The following FOXP1 variants were observed in gnomAD, a reference collection of about 807,000 sequenced individuals.
FOXP1 encodes forkhead box P1, also known as forkhead box protein P1.
In FOXP1, 15 loss-of-function variants were observed where a neutral mutation model predicts 98.2. The ratio of observed to expected loss-of-function variants is 0.15; its 90% CI spans 0.10 to 0.24. FOXP1 has a LOEUF of 0.24. Among genes scored for constraint, FOXP1 ranks in the 10% least tolerant of loss-of-function variants. The probability of loss-of-function intolerance (pLI) is 1.00; values close to 1 mark genes in which losing one functional copy is unlikely to be tolerated. For missense variants in FOXP1, 633 were observed against 848.5 expected, an observed-to-expected ratio of 0.75 and a Z score of 3.15; for synonymous variants, 371 against 314.5, an observed-to-expected ratio of 1.18 and a Z score of -1.90.
intron 10 of FOXP1, among the ~76,000 whole-genome samples, chr3:71,042,398 C>T (rs574310945): frequency 1.3e-5 from 2 of 152,166 alleles, no homozygotes; most frequent in African/African-American, 4.8e-5. Flanking sequence ...TGGGCCTCTT[C>T]GTCTTTATCC....
chr3:71,065,824 G>A (rs2052414905), intron 7 of FOXP1: 1 of 152,108 alleles, frequency 6.6e-6, no homozygotes, highest in South Asian at 2.1e-4. Flanking sequence ...GCTATTGAAA[G>A]CTGAGTATAG....
chr3:71,346,794 A>C (rs2077391450), intron 4 of FOXP1, among the ~76,000 whole-genome samples: 1 of 152,106 alleles, frequency 6.6e-6, no homozygotes, highest in Non-Finnish European at 1.5e-5. Context: ...AGCCCCATTA[A>C]AAAAAATTAA....
In FOXP1 at chr3:71,475,227, T is replaced by C. The variant is rs2089723605; in HGVS notation, c.-168+18199A>G. On this transcript the variant is annotated intron_variant, in intron 3 of 20. Coordinates refer to ENST00000649528, the MANE Select transcript of FOXP1 (RefSeq NM_001349338.3). ...AACCCCATGCCGTCCTATAATTTCCTATCATGTGCAAGGAACACCCAAGCA... is the reference window on the plus strand; with the variant it reads ...AACCCCATGCCGTCCTATAATTTCCCATCATGTGCAAGGAACACCCAAGCA... 2.0e-5 allele frequency among the ~76,000 whole-genome samples: 3 copies of C among 152,090 alleles called. No homozygotes were observed. In the South Asian group the frequency reaches 6.2e-4, roughly 32 times the overall value.
chr3:71,474,705 A>G (rs1047758834), intron 3 of FOXP1, among the ~76,000 whole-genome samples: 4 of 151,872 alleles, frequency 2.6e-5, no homozygotes, highest in African/African-American at 9.7e-5. Context: ...ACTGTCTCCC[A>G]TCAACCCCAG....
intron 7 of FOXP1, among the ~76,000 whole-genome samples, chr3:71,063,941 G>A (rs1013401125): frequency 1.3e-5 from 2 of 152,162 alleles, no homozygotes; most frequent in Admixed American, 1.3e-4. Context: ...TACTTGGGGA[G>A]GAGAGGGGTA....
chr3:71,248,015 G>T (rs375817977), intron 5 of FOXP1, among the ~76,000 whole-genome samples: 1 of 152,194 alleles, frequency 6.6e-6, no homozygotes, highest in African/African-American at 2.4e-5. Context: ...AGGACACAGC[G>T]GCAAGAAGGT....
At chr3:71,549,764 G>A (rs1295134978) in intron 2 of FOXP1, among the ~76,000 whole-genome samples, 1 of 147,018 alleles carries the variant, frequency 6.8e-6, no homozygotes, top group Non-Finnish European at 1.5e-5. Context: ...AATTTCAACT[G>A]TAACATCAAA....
rs1578287228 is a variant in FOXP1 at position 71,583,666 on chromosome 3, T to G, written c.-542A>C. 1.0e-6 allele frequency: 1 copy of G among 983,566 alleles called. No individual in the cohort carries two copies. The highest frequency in any genetic ancestry group is 1.2e-6 in the Non-Finnish European group (1 of 829,328). The allele number at this position is 983,566 out of a possible 1,614,324, so 60.9% of individuals were successfully genotyped here. The stretch of plus-strand genomic sequence containing the variant: ...CCGCGCGCGCACCCCGCGCACACAC[T>G]CACTCGCGCACACACGCGCGCACAC... On this transcript the variant is annotated 5_prime_UTR_variant, in exon 1 of 21. Transcript: ENST00000649528.
chr3:71,506,491 T>TCTTTTCCAACTAGCTGATAA (rs1230748059), intron 2 of FOXP1, among the ~76,000 whole-genome samples: 2 of 152,210 alleles, frequency 1.3e-5, no homozygotes, highest in South Asian at 2.1e-4. Context: ...CCCCAGGTTT[T>TCTTTTCCAACTAGCTGATAA]CTTTTCCAAC....
rs76201379 is a variant in FOXP1 at position 71,063,942 on chromosome 3, G to A, written c.283-10169C>T. Among the ~76,000 whole-genome samples the A allele has an allele frequency of 7.0e-3, 1,059 of 152,232 alleles. 19 individuals are homozygous for A. Among genetic ancestry groups the A allele is most frequent in the African/African-American group, 0.024 (1,010 of 41,534 alleles). ...CCTTCCCAACACCGTACTTGGGGAGGAGAGGGGTAAAAAGTCCCGTTTCCA... is the reference window on the plus strand; with the variant it reads ...CCTTCCCAACACCGTACTTGGGGAGAAGAGGGGTAAAAAGTCCCGTTTCCA... On this transcript the variant is annotated intron_variant, in intron 7 of 20. Coordinates refer to ENST00000649528, the MANE Select transcript of FOXP1 (RefSeq NM_001349338.3).
At chr3:71,509,380 C>T (rs985741960) in intron 2 of FOXP1, among the ~76,000 whole-genome samples, 1 of 152,158 alleles carries the variant, frequency 6.6e-6, no homozygotes, top group Non-Finnish European at 1.5e-5. Flanking sequence ...ACGGTCTTCC[C>T]GTGTGGGTTT....
At chr3:71,325,398 T>C (rs1289777956) in intron 4 of FOXP1, among the ~76,000 whole-genome samples, 1 of 152,208 alleles carries the variant, frequency 6.6e-6, no homozygotes, top group Non-Finnish European at 1.5e-5. Context: ...ATTATTTTAA[T>C]GTATTTTACA....
intron 1 of FOXP1, chr3:71,582,030 CTGTT>C (rs1251532107): frequency 1.0e-6 from 1 of 976,848 alleles, no homozygotes; most frequent in Middle Eastern, 5.3e-4. Flanking sequence ...GGAGTTACAA[CTGTT>C]TATTTAGTCC....
chr3:71,189,836 T>C (rs1488746946), intron 6 of FOXP1, among the ~76,000 whole-genome samples: 1 of 152,250 alleles, frequency 6.6e-6, no homozygotes, highest in Non-Finnish European at 1.5e-5. Context: ...GCTGTGGAAG[T>C]ACCAGGTAAT....
intron 11 of FOXP1, among the ~76,000 whole-genome samples, chr3:71,030,304 C>A (rs2046690627): frequency 6.6e-6 from 1 of 152,200 alleles, no homozygotes; most frequent in African/African-American, 2.4e-5. Context: ...ATCTTCTATG[C>A]CTGCCTCTGC....
chr3:70,991,370 T>A (rs2040575393), intron 13 of FOXP1, among the ~76,000 whole-genome samples: 1 of 152,134 alleles, frequency 6.6e-6, no homozygotes, highest in Non-Finnish European at 1.5e-5. Flanking sequence ...TTTAAGACAG[T>A]CTGGGCTGTG....
intron 11 of FOXP1, among the ~76,000 whole-genome samples, chr3:71,035,209 G>T (rs1307058123): frequency 1.3e-5 from 2 of 152,108 alleles, no homozygotes; most frequent in Non-Finnish European, 2.9e-5. Context: ...AGACTCCAGG[G>T]TATGTAGGGC....
chr3:71,443,687 C>T (rs1441505692), intron 3 of FOXP1, among the ~76,000 whole-genome samples: 1 of 152,182 alleles, frequency 6.6e-6, no homozygotes, highest in Non-Finnish European at 1.5e-5. Context: ...TGCCAAGTGA[C>T]CTGCTCTAGG....
chr3:71,580,870 C>T (rs2107887183), intron 2 of FOXP1: 1 of 985,298 alleles, frequency 1.0e-6, no homozygotes, highest in Middle Eastern at 5.2e-4. Flanking sequence ...CAAAGGGAAT[C>T]CAGAATGCTC....
Sources: allele counts gnomAD v4.1 joint callset (sites outside exome capture counted in the v4.1 genomes callset), GRCh38; gene constraint gnomAD v4.1.1; transcripts MANE v1.5; gene names NCBI Gene and HGNC (gene_info 2026-07-23, HGNC 2026-07-21).